SV2B: variants seen among roughly 807,000 people sequenced by gnomAD.
The protein encoded by SV2B is synaptic vesicle glycoprotein 2B, also known as solute carrier family 22 member B2.
SV2B carries 41 observed loss-of-function variants against 73.9 expected under a neutral mutation model. That is an observed-to-expected ratio of 0.56 (90% CI 0.43 to 0.72). SV2B has a LOEUF of 0.72. Ranked by LOEUF, SV2B falls within the 30% of genes least tolerant of loss-of-function variation. The pLI, the probability that SV2B is intolerant of heterozygous loss-of-function variation, is 0.00. For missense variants in SV2B, 764 were observed against 857.8 expected, an observed-to-expected ratio of 0.89 and a Z score of 1.37; for synonymous variants, 314 against 314.2, an observed-to-expected ratio of 1.00 and a Z score of 0.01.
chr15:91,290,215 C>T lies in SV2B; in HGVS notation c.1868+535C>T, dbSNP rs756003603. Reference sequence around the variant, plus strand: ...CCATTACTTAGTAATTGTTTTTCTTCGTGGAGGGGAATTGTAAAGTTTAAA... The same window carrying T: ...CCATTACTTAGTAATTGTTTTTCTTTGTGGAGGGGAATTGTAAAGTTTAAA... On this transcript the variant is annotated intron_variant, in intron 12 of 12. Coordinates refer to ENST00000394232, the MANE Select transcript of SV2B (RefSeq NM_001323032.3). This position sits in a 1 kb window ranked among gnomAD's most constrained non-coding sequence, Gnocchi z 4.7. 3.3e-5 allele frequency among the ~76,000 whole-genome samples: 5 copies of T among 152,040 alleles called. No homozygotes were observed. Among genetic ancestry groups the T allele is most frequent in the East Asian group, 1.9e-4 (1 of 5,188 alleles).
chr15:91,172,477 C>T (rs190509280), intron 1 of SV2B, among the ~76,000 whole-genome samples: 211 of 152,300 alleles, frequency 1.4e-3, no homozygotes, highest in African/African-American at 4.7e-3. Flanking sequence ...GCATTTTGGT[C>T]CCACCATGTC....
chr15:91,252,562 T>C lies in SV2B; in HGVS notation c.784+42T>C, dbSNP rs2047531222. The C allele has an allele frequency of 2.6e-6, 4 of 1,542,482 alleles. No individual in the cohort carries two copies. The African/African-American group carries it at 4.2e-5, about 16-fold the overall frequency. ...AACAGCCTAGGGGGCCCTGTTTCTA[T>C]GGCTCCTGCACCCAAACAATAGTTC... is the stretch of plus-strand genomic sequence containing the variant. On this transcript the variant is annotated intron_variant, in intron 4 of 12. Coordinates refer to ENST00000394232, the MANE Select transcript of SV2B (RefSeq NM_001323032.3). This position sits in a 1 kb window ranked among gnomAD's most constrained non-coding sequence, Gnocchi z 4.6.
rs559744709 is a variant in SV2B, at chr15:91,276,273, C to T, written c.1374-5455C>T. Among the ~76,000 whole-genome samples, 5 of 151,996 alleles carry T rather than the reference C, an allele frequency of 3.3e-5. No individual in the cohort carries two copies. In the South Asian group the frequency reaches 8.3e-4, roughly 25 times the overall value. ...GAATATCATGTGCTTAGGTGTACCG[C>T]CACCTCCTCATCTTCCTTCTCCTCC... On this transcript the variant is annotated intron_variant, in intron 9 of 12. Transcript: ENST00000394232.
At chr15:91,226,792 G>A (rs1046579150) in intron 2 of SV2B, 78 bp downstream of exon 2, 16 of 1,497,184 alleles carry the variant, frequency 1.1e-5, no homozygotes, top group African/African-American at 2.8e-5. Flanking sequence ...TCACTATTAG[G>A]CACTTTAAAT....
chr15:91,219,352 A>G (rs1322057607), intron 1 of SV2B, among the ~76,000 whole-genome samples: 1 of 152,152 alleles, frequency 6.6e-6, no homozygotes, highest in East Asian at 1.9e-4. Flanking sequence ...TATGACCAAG[A>G]TGTGCTCTGC....
At chr15:91,225,356 T>A (rs1314635946) in intron 1 of SV2B, among the ~76,000 whole-genome samples, 1 of 152,166 alleles carries the variant, frequency 6.6e-6, no homozygotes, top group Non-Finnish European at 1.5e-5. Context: ...TACAGCCACT[T>A]CACGACAAAG....
chr15:91,134,620 A>G (rs2042762161), intron 1 of SV2B, among the ~76,000 whole-genome samples: 1 of 152,176 alleles, frequency 6.6e-6, no homozygotes, highest in African/African-American at 2.4e-5. Context: ...TCTGGAATGA[A>G]ATGTTTTGCT....
intron 1 of SV2B, among the ~76,000 whole-genome samples, chr15:91,169,166 TG>T (rs1443962078): frequency 4.6e-5 from 7 of 152,220 alleles, no homozygotes; most frequent in Non-Finnish European, 7.3e-5. Context: ...CTCCTCCTCA[TG>T]ATCGGTTACT....
rs376724357 is a variant in SV2B, at chr15:91,253,612, C to T, written c.784+1092C>T. Among the ~76,000 whole-genome samples the T allele has an allele frequency of 2.0e-4, 31 of 152,342 alleles. No individual in the cohort carries two copies. The highest frequency in any genetic ancestry group is 6.3e-4 in the African/African-American group (26 of 41,574). On this transcript the variant is annotated intron_variant, in intron 4 of 12. Transcript: ENST00000394232. This position sits in a 1 kb window ranked among gnomAD's most constrained non-coding sequence, Gnocchi z 5.0. ...GGCATTTCTAATCTGCAGGTGGCTC[C>T]GCTCCATCAGTAATTCTGGAGTTTA...
chr15:91,279,567 C>G (rs139858528), intron 9 of SV2B, among the ~76,000 whole-genome samples: 1 of 152,078 alleles, frequency 6.6e-6, no homozygotes. Flanking sequence ...ATGTGTTGGC[C>G]CTTTCTCCTT....
intron 1 of SV2B, among the ~76,000 whole-genome samples, chr15:91,172,474 G>T (rs1596518276): frequency 6.6e-6 from 1 of 152,158 alleles, no homozygotes; most frequent in Non-Finnish European, 1.5e-5. Context: ...ACAGCATTTT[G>T]GTCCCACCAT....
In SV2B at chr15:91,152,870, A is replaced by G. The variant is rs529638774; in HGVS notation, c.-392+52507A>G. On this transcript the variant is annotated intron_variant, in intron 1 of 12. Coordinates refer to ENST00000394232, the MANE Select transcript of SV2B (RefSeq NM_001323032.3). ...TACCATGTATCTTAGTCCATTTTGTACTGCCATAACAAAATACCTGAGACC... is the reference window on the plus strand; with the variant it reads ...TACCATGTATCTTAGTCCATTTTGTGCTGCCATAACAAAATACCTGAGACC... 4.6e-4 allele frequency among the ~76,000 whole-genome samples: 70 copies of G among 152,338 alleles called. No homozygotes were observed. The South Asian group carries it at 0.014, about 30-fold the overall frequency.
intron 1 of SV2B, among the ~76,000 whole-genome samples, chr15:91,112,866 G>T (rs954453213): frequency 1.3e-5 from 2 of 152,166 alleles, no homozygotes; most frequent in Admixed American, 1.3e-4. Flanking sequence ...ACCCAGGCTG[G>T]ATTACAGTGG....
rs908658154 is a variant in SV2B, at chr15:91,278,273, C to A, written c.1374-3455C>A. Reference sequence around the variant, plus strand: ...TTTTATAGATTTTTTTAAATGCGGGCTTCGAGAGGAGAAGAAAATTGTTTG... The same window carrying A: ...TTTTATAGATTTTTTTAAATGCGGGATTCGAGAGGAGAAGAAAATTGTTTG... On this transcript the variant is annotated intron_variant, in intron 9 of 12. Transcript: ENST00000394232. 7.9e-5 allele frequency among the ~76,000 whole-genome samples: 12 copies of A among 152,008 alleles called. No homozygotes were observed. The South Asian group carries it at 8.3e-4, about 10-fold the overall frequency.
Position 91,242,372 on chromosome 15 carries a change from A to G in SV2B, c.452-9447A>G, listed in dbSNP as rs1364535189. On this transcript the variant is annotated intron_variant, in intron 2 of 12. Transcript: ENST00000394232. The surrounding 1 kb of genome is among the most constrained non-coding windows in gnomAD (Gnocchi z 4.9). ...TGGATGCCACCTTTAAAATGCATCC[A>G]GAATCCAGCCACTTCTTACCACTTT... Among the ~76,000 whole-genome samples, 1 of 152,212 alleles carries G rather than the reference A, an allele frequency of 6.6e-6. No individual in the cohort carries two copies. Among genetic ancestry groups the G allele is most frequent in the East Asian group, 1.9e-4 (1 of 5,194 alleles).
At chr15:91,256,993 C>A (rs895494635) in intron 4 of SV2B, among the ~76,000 whole-genome samples, 3 of 152,214 alleles carry the variant, frequency 2.0e-5, no homozygotes, top group Non-Finnish European at 4.4e-5. Context: ...ATAACTATTG[C>A]CCTCTAAACT....
intron 2 of SV2B, among the ~76,000 whole-genome samples, chr15:91,249,068 T>TCACACACA (rs59552488): frequency 0.024 from 3,474 of 142,024 alleles, 50 homozygotes; most frequent in African/African-American, 0.029. Flanking sequence ...ATCTACGTTT[T>TCACACACA]CACACACACA....
rs368382019 is a variant in SV2B at position 91,219,570 on chromosome 15, T to A, written c.-391-6303T>A. Among the ~76,000 whole-genome samples, 40 of 152,314 alleles carry A rather than the reference T, an allele frequency of 2.6e-4. No homozygotes were observed. In the East Asian group the frequency reaches 2.9e-3, roughly 11 times the overall value. On this transcript the variant is annotated intron_variant, in intron 1 of 12. Transcript: ENST00000394232. The stretch of plus-strand genomic sequence containing the variant: ...AGAAGCCCATGATAGTGGGAAACAC[T>A]GATTTTAATAGGTTAAATATTTTTT...
intron 1 of SV2B, among the ~76,000 whole-genome samples, chr15:91,159,863 AATT>A (rs2043648209): frequency 1.3e-5 from 2 of 152,188 alleles, no homozygotes; most frequent in East Asian, 3.8e-4. Context: ...CTAAGTGAAA[AATT>A]ATTATAACTA....
Sources: gnomAD v4.1 joint callset for allele counts (sites outside exome capture counted in the v4.1 genomes callset) on GRCh38, gnomAD v4.1.1 for gene constraint, Gnocchi (gnomAD v3.1) non-coding constraint, MANE v1.5 for transcripts, NCBI Gene and HGNC (gene_info 2026-07-23, HGNC 2026-07-21) for gene names.